MATCAP2: variants seen among roughly 807,000 people sequenced by gnomAD.
MATCAP2 encodes the protein putative tyrosine carboxypeptidase MATCAP2.
At chr7:36,372,100 T>G in the MATCAP2 span, among the ~76,000 whole-genome samples, 1 of 152,188 alleles carries the variant, frequency 6.6e-6, no homozygotes, top group East Asian at 1.9e-4. Context: ...TTTAATTTCT[T>G]AAAAAGAGGT....
At chr7:36,385,393 AC>A in the MATCAP2 span, among the ~76,000 whole-genome samples, 3 of 152,232 alleles carry the variant, frequency 2.0e-5, no homozygotes, top group African/African-American at 7.2e-5. Context: ...AATTTGCCCT[AC>A]CAGATATCAA....
the MATCAP2 span, among the ~76,000 whole-genome samples, chr7:36,376,296 G>C: frequency 2.6e-5 from 4 of 152,126 alleles, no homozygotes; most frequent in Admixed American, 6.5e-5. Flanking sequence ...TTGTGTCTTT[G>C]TTCTCACTGG....
At chr7:36,354,999 T>C in the MATCAP2 span, among the ~76,000 whole-genome samples, 3 of 152,148 alleles carry the variant, frequency 2.0e-5, no homozygotes, top group African/African-American at 7.2e-5. Context: ...TCCCAACAGG[T>C]AGGGGTGGGG....
chr7:36,379,847 C>CACAGAG, the MATCAP2 span, among the ~76,000 whole-genome samples: 9 of 107,698 alleles, frequency 8.4e-5, no homozygotes, highest in African/African-American at 3.4e-4. Context: ...CACACACACA[C>CACAGAG]AGAGAGAGAG....
chr7:36,351,941 TAAAAA>T, the MATCAP2 span, among the ~76,000 whole-genome samples: 3 of 115,290 alleles, frequency 2.6e-5, no homozygotes, highest in South Asian at 3.1e-4. Flanking sequence ...GGGAGATTGT[TAAAAA>T]AAAAAAAAAA....
chr7:36,332,161 T>A, the MATCAP2 span, among the ~76,000 whole-genome samples: 1 of 151,670 alleles, frequency 6.6e-6, no homozygotes, highest in African/African-American at 2.4e-5. Flanking sequence ...AAAAAGGGAC[T>A]AGTCTAAAAA....
At chr7:36,334,105 C>T in the MATCAP2 span, 6 of 1,613,980 alleles carry the variant, frequency 3.7e-6, no homozygotes, top group Admixed American at 1.7e-5. Flanking sequence ...TTTTTACGTC[C>T]AGTCCAACTG....
At chr7:36,340,668 C>A in the MATCAP2 span, among the ~76,000 whole-genome samples, 1 of 152,228 alleles carries the variant, frequency 6.6e-6, no homozygotes, top group African/African-American at 2.4e-5. Flanking sequence ...TATCAGTGAT[C>A]TGCAGCATCC....
chr7:36,367,978 T>A, the MATCAP2 span, among the ~76,000 whole-genome samples: 2 of 151,782 alleles, frequency 1.3e-5, no homozygotes, highest in East Asian at 3.9e-4. Context: ...GGTGGGAGGA[T>A]TGCTTGAGTC....
chr7:36,366,498 T>C, the MATCAP2 span, among the ~76,000 whole-genome samples: 2 of 152,202 alleles, frequency 1.3e-5, no homozygotes, highest in African/African-American at 2.4e-5. Context: ...CACACACAAA[T>C]ATACACAGTA....
chr7:36,366,775 T>C, the MATCAP2 span: 3 of 1,534,714 alleles, frequency 2.0e-6, no homozygotes, highest in East Asian at 2.5e-5. Context: ...GAGCGCCTCC[T>C]GCGCGCCCCG....
chr7:36,383,839 T>G, the MATCAP2 span: 1 of 1,516,972 alleles, frequency 6.6e-7, no homozygotes, highest in African/African-American at 1.4e-5. Context: ...GTAAAAGAAG[T>G]GGCCCTTCAG....
the MATCAP2 span, among the ~76,000 whole-genome samples, chr7:36,354,431 C>A: frequency 6.6e-6 from 1 of 152,224 alleles, no homozygotes; most frequent in African/African-American, 2.4e-5. Context: ...CAAAACAATA[C>A]AGATTGCCTG....
the MATCAP2 span, among the ~76,000 whole-genome samples, chr7:36,354,182 CTAGAGT>C: frequency 6.6e-6 from 1 of 152,324 alleles, no homozygotes; most frequent in South Asian, 2.1e-4. Context: ...CAGGCTACAC[CTAGAGT>C]TATATTCCAG....
At chr7:36,366,068 T>C in the MATCAP2 span, among the ~76,000 whole-genome samples, 1 of 152,206 alleles carries the variant, frequency 6.6e-6, no homozygotes, top group African/African-American at 2.4e-5. Flanking sequence ...AGAAAAATAG[T>C]CTGGTAGGTA....
the MATCAP2 span, among the ~76,000 whole-genome samples, chr7:36,363,615 G>A: frequency 6.6e-6 from 1 of 152,190 alleles, no homozygotes; most frequent in Non-Finnish European, 1.5e-5. Flanking sequence ...CACTATAATA[G>A]TGAGCTGATT....
chr7:36,380,543 T>C, the MATCAP2 span, among the ~76,000 whole-genome samples: 5 of 152,190 alleles, frequency 3.3e-5, no homozygotes, highest in Non-Finnish European at 7.3e-5. Flanking sequence ...GAGAATGGTA[T>C]TAAAATAGTT....
the MATCAP2 span, among the ~76,000 whole-genome samples, chr7:36,361,353 G>C: frequency 1.3e-5 from 2 of 152,184 alleles, no homozygotes; most frequent in Non-Finnish European, 2.9e-5. Flanking sequence ...GTAATCAGGA[G>C]GTCTCTGGCT....
At chr7:36,361,953 A>G in the MATCAP2 span, among the ~76,000 whole-genome samples, 2 of 152,168 alleles carry the variant, frequency 1.3e-5, no homozygotes, top group Non-Finnish European at 2.9e-5. Context: ...AAACAGCAAA[A>G]CTAATTTATG....
Sources: allele counts gnomAD v4.1 joint callset (sites outside exome capture counted in the v4.1 genomes callset), GRCh38; gene constraint gnomAD v4.1.1; transcripts MANE v1.5; gene names NCBI Gene and HGNC (gene_info 2026-07-23, HGNC 2026-07-21).